The following TSPAN12 variants were observed in gnomAD, a reference collection of about 807,000 sequenced individuals.
The protein encoded by TSPAN12 is tetraspanin-12.
A neutral mutation model predicts 39.2 loss-of-function variants in TSPAN12; 19 were observed. That is an observed-to-expected ratio of 0.49 (90% confidence interval 0.34 to 0.71). The LOEUF is 0.71. TSPAN12 is among the 30% of genes least tolerant of loss of function. The pLI is 0.01. For synonymous variants in TSPAN12, 119 were observed against 124.8 expected (o/e 0.95, Z 0.31); for missense variants, 314 against 359.9 (o/e 0.87, Z 1.03).
At chr7:120,809,785 A>G (rs1793942210) in intron 6 of TSPAN12, among the ~76,000 whole-genome samples, 1 of 152,166 alleles carries the variant, frequency 6.6e-6, no homozygotes, top group African/African-American at 2.4e-5. Flanking sequence ...GGTTGGGTGC[A>G]GTGCTACATG....
chr7:120,793,190 C>A (rs1329765827), intron 7 of TSPAN12, among the ~76,000 whole-genome samples: 1 of 152,168 alleles, frequency 6.6e-6, no homozygotes, highest in Non-Finnish European at 1.5e-5. Context: ...TCTGCTGATC[C>A]TTTTCTAGAC....
chr7:120,796,163 GTT>G (rs1793625433), intron 7 of TSPAN12, among the ~76,000 whole-genome samples: 1 of 152,162 alleles, frequency 6.6e-6, no homozygotes, highest in Admixed American at 6.5e-5. Context: ...AAGGAGCAGA[GTT>G]TATTCACAAA....
chr7:120,849,263 C>A (rs1231838022), intron 2 of TSPAN12, among the ~76,000 whole-genome samples: 1 of 152,194 alleles, frequency 6.6e-6, no homozygotes, highest in Non-Finnish European at 1.5e-5. Flanking sequence ...TAGCTTTCAA[C>A]AAATATTTGG....
chr7:120,831,597 G>C (rs1794391830), intron 4 of TSPAN12, among the ~76,000 whole-genome samples: 1 of 151,920 alleles, frequency 6.6e-6, no homozygotes, highest in Non-Finnish European at 1.5e-5. Context: ...AAAAAGTGTT[G>C]ATCTCAGAGG....
intron 2 of TSPAN12, among the ~76,000 whole-genome samples, chr7:120,844,612 A>G (rs549188395): frequency 6.6e-6 from 1 of 152,344 alleles, no homozygotes; most frequent in Non-Finnish European, 1.5e-5. Flanking sequence ...TAAAGCTCCA[A>G]AATAATCTCC....
chr7:120,794,314 T>C (rs963246167), intron 7 of TSPAN12, among the ~76,000 whole-genome samples: 1 of 152,186 alleles, frequency 6.6e-6, no homozygotes, highest in African/African-American at 2.4e-5. Flanking sequence ...TTAGTACATT[T>C]GTCCCCACCC....
At chr7:120,803,710 T>C (rs1451710827) in intron 7 of TSPAN12, among the ~76,000 whole-genome samples, 1 of 152,188 alleles carries the variant, frequency 6.6e-6, no homozygotes, top group African/African-American at 2.4e-5. Flanking sequence ...CTATTAAAAT[T>C]CTTCAGATAA....
chr7:120,856,323 A>G (rs952893316), intron 2 of TSPAN12, among the ~76,000 whole-genome samples: 4 of 152,188 alleles, frequency 2.6e-5, no homozygotes, highest in African/African-American at 9.7e-5. Context: ...CAGGCGACAG[A>G]GATGTAAAGA....
chr7:120,797,338 A>T (rs1472783131), intron 7 of TSPAN12, among the ~76,000 whole-genome samples: 1 of 152,202 alleles, frequency 6.6e-6, no homozygotes, highest in Non-Finnish European at 1.5e-5. Flanking sequence ...GAAAAACAGG[A>T]CCAACTTTGG....
At chr7:120,843,055 G>C (rs1181604456) in intron 2 of TSPAN12, among the ~76,000 whole-genome samples, 1 of 151,908 alleles carries the variant, frequency 6.6e-6, no homozygotes, top group Non-Finnish European at 1.5e-5. Flanking sequence ...TTAGAATACA[G>C]TTTAATATTC....
chr7:120,844,247 T>C (rs1339871339), intron 2 of TSPAN12, among the ~76,000 whole-genome samples: 1 of 152,158 alleles, frequency 6.6e-6, no homozygotes, highest in East Asian at 1.9e-4. Context: ...CAATTCGACA[T>C]GAGATTTCGG....
intron 2 of TSPAN12, among the ~76,000 whole-genome samples, chr7:120,854,587 T>C (rs1465166240): frequency 1.3e-5 from 2 of 152,226 alleles, no homozygotes; most frequent in Non-Finnish European, 2.9e-5. Context: ...GTTAGCTATT[T>C]TGTATGTTAG....
In TSPAN12 at chr7:120,788,890, C is replaced by T. The variant is rs1172375736; in HGVS notation, c.620G>A (p.Gly207Glu). The T allele has an allele frequency of 6.2e-7, 1 of 1,613,888 alleles. No homozygotes were observed. The highest frequency in any genetic ancestry group is 8.5e-7 in the Non-Finnish European group (1 of 1,180,002). Residue 207 changes from glycine to glutamate, a missense_variant, in exon 8 of 8, where the codon GGG becomes GAG. Gly to Glu is a moderately conservative substitution (Grantham distance 98). Coordinates refer to ENST00000222747, the MANE Select transcript of TSPAN12 (RefSeq NM_012338.4). ...DLSDLYQEGC[G>E]KKMYSFLRGT... The stretch of plus-strand genomic sequence containing the variant: ...TCTCAAAAAGGAATACATTTTCTTC[C>T]CACAACCCTGTAAAAGAAATACATG...
chr7:120,856,161 A>C (rs959741038), intron 2 of TSPAN12, among the ~76,000 whole-genome samples: 3 of 152,190 alleles, frequency 2.0e-5, no homozygotes, highest in Non-Finnish European at 4.4e-5. Context: ...AGAATTAGTT[A>C]CATAAAAATC....
intron 3 of TSPAN12, among the ~76,000 whole-genome samples, chr7:120,839,611 G>A (rs1362985422): frequency 6.6e-6 from 1 of 152,074 alleles, no homozygotes; most frequent in Non-Finnish European, 1.5e-5. Flanking sequence ...CCCCTGTGAT[G>A]TTAGTAGATT....
chr7:120,812,533 C>T (rs1043313061), intron 5 of TSPAN12, among the ~76,000 whole-genome samples: 6 of 152,076 alleles, frequency 3.9e-5, no homozygotes, highest in South Asian at 2.1e-4. Context: ...ATAGTCATAT[C>T]GATAGAAGCA....
intron 4 of TSPAN12, among the ~76,000 whole-genome samples, chr7:120,819,175 A>C (rs1383141934): frequency 6.6e-6 from 1 of 152,166 alleles, no homozygotes; most frequent in Non-Finnish European, 1.5e-5. Context: ...ATCCCTGAAA[A>C]GGCAAGATAT....
rs541956679 is a variant in TSPAN12, at chr7:120,840,369, C to A, written c.67-260G>T. Among the ~76,000 whole-genome samples the A allele has an allele frequency of 2.2e-4, 33 of 152,236 alleles. 1 individual carries two copies. Among genetic ancestry groups the A allele is most frequent in the African/African-American group, 7.9e-4 (33 of 41,534 alleles). On this transcript the variant is annotated intron_variant, in intron 2 of 7. Transcript: ENST00000222747. ...GATCCCAGGTTCAGGACAGAAACTG[C>A]ACAAGATAAGGAGGCCACAGAACAA... is the stretch of plus-strand genomic sequence containing the variant.
chr7:120,807,528 C>A (rs1384050416), intron 6 of TSPAN12, among the ~76,000 whole-genome samples: 1 of 152,024 alleles, frequency 6.6e-6, no homozygotes, highest in South Asian at 2.1e-4. Context: ...TCCCCTCTAG[C>A]CAGAAACAAG....
Sources: allele counts gnomAD v4.1 joint callset (sites outside exome capture counted in the v4.1 genomes callset), GRCh38; gene constraint gnomAD v4.1.1; transcripts MANE v1.5; gene names NCBI Gene and HGNC (gene_info 2026-07-23, HGNC 2026-07-21).